Variants in SVOP observed in about 807,000 individuals in gnomAD.
The protein encoded by SVOP is synaptic vesicle 2-related protein.
Under a neutral mutation model 69.1 loss-of-function variants are expected in SVOP, and 17 were observed. The observed-to-expected ratio is 0.25, with a 90% CI of 0.17 to 0.37. The LOEUF is 0.37. SVOP is among the 10% of genes least tolerant of loss of function. The probability of loss-of-function intolerance (pLI) is 1.00; values close to 1 mark genes in which losing one functional copy is unlikely to be tolerated. For synonymous variants in SVOP, 238 were observed against 238.6 expected, an observed-to-expected ratio of 1.00 and a Z score of 0.02; for missense variants, 435 against 597.5, an observed-to-expected ratio of 0.73 and a Z score of 2.84.
chr12:108,982,194 A>G (rs2040139822), intron 2 of SVOP, among the ~76,000 whole-genome samples: 1 of 151,466 alleles, frequency 6.6e-6, no homozygotes, highest in South Asian at 2.1e-4. Flanking sequence ...TATCATCACC[A>G]TCATCATGAT....
Position 108,912,348 on chromosome 12 carries a change from T to C in SVOP, c.*187A>G. ...TACAGAGAACCCCCTAGAGCAAACATCTCCCCATCCCTGGGTGGACCTCAA... is the reference window on the plus strand; with the variant it reads ...TACAGAGAACCCCCTAGAGCAAACACCTCCCCATCCCTGGGTGGACCTCAA... On this transcript the variant is annotated 3_prime_UTR_variant, in exon 16 of 16. Transcript: ENST00000610966. 3 of 1,451,216 alleles carry C rather than the reference T, an allele frequency of 2.1e-6. No homozygotes were observed. In the South Asian group the frequency reaches 4.3e-5, roughly 21 times the overall value. The allele number at this position is 1,451,216 out of a possible 1,614,324, so 89.9% of individuals were successfully genotyped here.
In SVOP at chr12:108,938,923, C is replaced by T. The variant is rs1566052251; in HGVS notation, c.801G>A (p.Leu267=). ...WLPESARYDV[L]SGNQEKAIAT... ...CGATTGCCTTTTCCTGGTTCCCTGA[C>T]AGCACATCATACCTTGCACTTTCAG... The change falls in exon 9 of 16, where the codon CTG becomes CTA. Residue 267 remains leucine, a synonymous_variant. Coordinates refer to ENST00000610966, the MANE Select transcript of SVOP (RefSeq NM_018711.5). 1.2e-6 allele frequency: 2 copies of T among 1,614,002 alleles called. No homozygotes were observed. The highest frequency in any genetic ancestry group is 1.3e-5 in the African/African-American group (1 of 75,042).
chr12:108,976,578 C>G (rs751107303), intron 4 of SVOP, among the ~76,000 whole-genome samples: 1 of 150,080 alleles, frequency 6.7e-6, no homozygotes, highest in Non-Finnish European at 1.5e-5. Flanking sequence ...TTATTATCCT[C>G]TTATCCAGCC....
At chr12:108,925,922 C>CT (rs796267674) in intron 11 of SVOP, among the ~76,000 whole-genome samples, 28,698 of 143,488 alleles carry the variant, frequency 0.2, 3,105 homozygotes, top group African/African-American at 0.27. Flanking sequence ...CATTCCTGAC[C>CT]TTTTTTTTTT....
chr12:108,920,393 C>T (rs2039740955), intron 12 of SVOP, among the ~76,000 whole-genome samples: 1 of 152,160 alleles, frequency 6.6e-6, no homozygotes, highest in Non-Finnish European at 1.5e-5. Context: ...ATCCAGGGAA[C>T]AGGATGTCTG....
chr12:108,913,175 G>T (rs1198146092), intron 15 of SVOP, among the ~76,000 whole-genome samples: 1 of 151,886 alleles, frequency 6.6e-6, no homozygotes, highest in Non-Finnish European at 1.5e-5. Context: ...GGGTTCAAGC[G>T]ATTCTCCTCC....
intron 11 of SVOP, among the ~76,000 whole-genome samples, chr12:108,930,036 A>G (rs543578153): frequency 7.2e-5 from 11 of 152,308 alleles, no homozygotes; most frequent in Admixed American, 4.6e-4. Flanking sequence ...ACTCTGACCA[A>G]ATCTGGTCCC....
chr12:108,931,556 C>T (rs1160699866), intron 11 of SVOP, among the ~76,000 whole-genome samples: 3 of 152,132 alleles, frequency 2.0e-5, no homozygotes, highest in East Asian at 1.9e-4. Context: ...CTTCCCGGCT[C>T]TGCATGGTGG....
chr12:108,977,130 G>T (rs1371884848), intron 4 of SVOP, among the ~76,000 whole-genome samples: 1 of 152,202 alleles, frequency 6.6e-6, no homozygotes, highest in Non-Finnish European at 1.5e-5. Context: ...CAGGCATACA[G>T]AGTTTAAGTG....
chr12:108,915,309 T>C (rs1283587800), intron 15 of SVOP, among the ~76,000 whole-genome samples: 2 of 152,016 alleles, frequency 1.3e-5, no homozygotes, highest in East Asian at 1.9e-4. Flanking sequence ...CAGTACCCAA[T>C]AGGTGGAATT....
chr12:108,996,588 T>G (rs1365725513), intron 1 of SVOP, among the ~76,000 whole-genome samples: 1 of 150,822 alleles, frequency 6.6e-6, no homozygotes, highest in Non-Finnish European at 1.5e-5. Context: ...AAAACTTAAG[T>G]GTGGTTCTGA....
chr12:108,919,857 G>A, intron 12 of SVOP, 71 bp from the exon 13 acceptor site: 1 of 1,036,376 alleles, frequency 9.6e-7, no homozygotes, highest in South Asian at 1.4e-5. Context: ...TCGTAGCACA[G>A]CCTGTATCAT....
chr12:108,931,985 G>C (rs138027173), intron 11 of SVOP, among the ~76,000 whole-genome samples: 2,346 of 152,212 alleles, frequency 0.015, 38 homozygotes, highest in Middle Eastern at 0.075. Context: ...GGGCTCTTTA[G>C]GGGATTTGCG....
At chr12:108,988,563 T>C (rs1344687377) in intron 1 of SVOP, among the ~76,000 whole-genome samples, 2 of 152,184 alleles carry the variant, frequency 1.3e-5, no homozygotes, top group Non-Finnish European at 2.9e-5. Context: ...ATTTCTGAGC[T>C]CTTGATTCTA....
At position 108,919,669 on chromosome 12, in the gene SVOP, A is replaced by G. The variant is rs1192362392; in HGVS notation, c.1268+6T>C. On this transcript the variant is annotated splice_donor_region_variant and intron_variant, in intron 13 of 15. Coordinates refer to ENST00000610966, the MANE Select transcript of SVOP (RefSeq NM_018711.5). ...AAACTCATACCTAGGCTTGCAGATC[A>G]CCTACCTTCCAACACAGATAAACAG... 3.8e-6 allele frequency: 6 copies of G among 1,592,504 alleles called. No individual in the cohort carries two copies. In the East Asian group the frequency reaches 9.1e-5, roughly 24 times the overall value.
At chr12:108,952,203 C>T (rs996791875) in intron 6 of SVOP, among the ~76,000 whole-genome samples, 1 of 150,788 alleles carries the variant, frequency 6.6e-6, no homozygotes, top group East Asian at 1.9e-4. Flanking sequence ...AGAAGCAAAC[C>T]CTACATTCCA....
chr12:108,926,638 T>C (rs1347405230), intron 11 of SVOP: 2 of 152,204 alleles, frequency 1.3e-5, no homozygotes, highest in African/African-American at 4.8e-5. Flanking sequence ...TGTAGAAAAA[T>C]GATAGTAATG....
chr12:108,934,665 G>C (rs142835707), intron 10 of SVOP, among the ~76,000 whole-genome samples: 1 of 152,304 alleles, frequency 6.6e-6, no homozygotes, highest in African/African-American at 2.4e-5. Flanking sequence ...GATAAAGCAG[G>C]TTGCAGTAAA....
At chr12:108,984,333 T>A (rs1479149533) in intron 1 of SVOP, among the ~76,000 whole-genome samples, 7 of 152,140 alleles carry the variant, frequency 4.6e-5, no homozygotes, top group Admixed American at 1.3e-4. Flanking sequence ...ATTTTAAAAT[T>A]GGGAAAATTC....
Sources: gnomAD v4.1 joint callset for allele counts (sites outside exome capture counted in the v4.1 genomes callset) on GRCh38, gnomAD v4.1.1 for gene constraint, MANE v1.5 for transcripts, NCBI Gene and HGNC (gene_info 2026-07-23, HGNC 2026-07-21) for gene names.